GABRB3: variants seen among roughly 807,000 people sequenced by gnomAD.
The protein encoded by GABRB3 is gamma-aminobutyric acid receptor subunit beta-3.
In GABRB3, 14 loss-of-function variants were observed where a neutral mutation model predicts 52.1. The observed-to-expected ratio is 0.27, with a 90% CI of 0.18 to 0.42. The LOEUF (loss-of-function observed/expected upper bound fraction) is 0.42. Ranked by LOEUF, GABRB3 falls within the 10% of genes least tolerant of loss-of-function variation. The pLI, the probability that GABRB3 is intolerant of heterozygous loss-of-function variation, is 1.00. For missense variants in GABRB3, 307 were observed against 609.1 expected (o/e 0.50, Z 5.22); for synonymous variants, 260 against 232.3 (o/e 1.12, Z -1.08).
chr15:26,690,479 A>G (rs1888553949), intron 3 of GABRB3, among the ~76,000 whole-genome samples: 1 of 152,094 alleles, frequency 6.6e-6, no homozygotes, highest in African/African-American at 2.4e-5. Context: ...CGGTTTCTTG[A>G]CTACCAATAA....
At chr15:26,584,310 G>C (rs1236107348) in intron 4 of GABRB3, among the ~76,000 whole-genome samples, 1 of 152,106 alleles carries the variant, frequency 6.6e-6, no homozygotes, top group Non-Finnish European at 1.5e-5. Context: ...CTCTACTACA[G>C]ACAGAGCCTA....
chr15:26,623,204 G>C (rs1428444245), intron 3 of GABRB3, among the ~76,000 whole-genome samples: 1 of 152,210 alleles, frequency 6.6e-6, no homozygotes, highest in African/African-American at 2.4e-5. Flanking sequence ...GTGGAGTGCA[G>C]TTTTGCTGGA....
chr15:26,706,935 G>A (rs545009658), intron 3 of GABRB3, among the ~76,000 whole-genome samples: 2 of 152,292 alleles, frequency 1.3e-5, no homozygotes, highest in African/African-American at 4.8e-5. Flanking sequence ...TAGGAAGGAG[G>A]GTTTGTATTT....
At chr15:26,580,576 T>G (rs765738901) in intron 5 of GABRB3, 120 bp from the exon 6 acceptor site, 16 of 1,265,916 alleles carry the variant, frequency 1.3e-5, no homozygotes, top group Non-Finnish European at 1.8e-5. Context: ...ATTTGCTTAA[T>G]GTGCTTGTCT....
At chr15:26,643,760 A>G (rs1248428824) in intron 3 of GABRB3, among the ~76,000 whole-genome samples, 1 of 151,992 alleles carries the variant, frequency 6.6e-6, no homozygotes. Flanking sequence ...TCATCCAACA[A>G]ACACTACTGG....
Position 26,713,377 on chromosome 15 carries a change from A to C in GABRB3, c.240+59025T>G, listed in dbSNP as rs192712922. Among the ~76,000 whole-genome samples the C allele has an allele frequency of 3.9e-3, 600 of 152,220 alleles. 4 individuals are homozygous for C. The highest frequency in any genetic ancestry group is 7.1e-3 in the Non-Finnish European group (482 of 67,994). ...ATGGTACCAGAGGCAGAGGATGGAC[A>C]GGCAGAGAGTGGACGCACAGGAGAG... On this transcript the variant is annotated intron_variant, in intron 3 of 8. Coordinates refer to ENST00000311550, the MANE Select transcript of GABRB3 (RefSeq NM_000814.6).
intron 3 of GABRB3, among the ~76,000 whole-genome samples, chr15:26,730,380 T>A (rs948785712): frequency 1.5e-5 from 2 of 134,400 alleles, no homozygotes; most frequent in Non-Finnish European, 1.5e-5. Context: ...ATCGCGCCAC[T>A]GCACTCCAGC....
At chr15:26,751,680 G>A (rs1332508302) in intron 3 of GABRB3, among the ~76,000 whole-genome samples, 1 of 151,906 alleles carries the variant, frequency 6.6e-6, no homozygotes, top group Non-Finnish European at 1.5e-5. Flanking sequence ...CCTCATAAGG[G>A]GGTCCTTTAT....
chr15:26,591,403 C>T (rs2140758352), intron 4 of GABRB3, among the ~76,000 whole-genome samples: 1 of 152,314 alleles, frequency 6.6e-6, no homozygotes, highest in Non-Finnish European at 1.5e-5. Context: ...ACATCTGTTT[C>T]TATATTGAAG....
chr15:26,591,545 T>A (rs1347681219), intron 4 of GABRB3, among the ~76,000 whole-genome samples: 1 of 152,164 alleles, frequency 6.6e-6, no homozygotes, highest in African/African-American at 2.4e-5. Flanking sequence ...AGCCGCAAAC[T>A]GGCAATAGTG....
intron 6 of GABRB3, among the ~76,000 whole-genome samples, chr15:26,571,424 C>T (rs1307987512): frequency 1.3e-5 from 2 of 152,194 alleles, no homozygotes; most frequent in Non-Finnish European, 2.9e-5. Context: ...TCATTGCCAA[C>T]TTTTATGTCA....
At chr15:26,598,229 G>A (rs916939990) in intron 4 of GABRB3, among the ~76,000 whole-genome samples, 1 of 151,558 alleles carries the variant, frequency 6.6e-6, no homozygotes, top group Non-Finnish European at 1.5e-5. Flanking sequence ...TCAATAAACT[G>A]GTCGAATAAG....
At chr15:26,584,753 C>T (rs1005697745) in intron 4 of GABRB3, among the ~76,000 whole-genome samples, 3 of 152,272 alleles carry the variant, frequency 2.0e-5, no homozygotes, top group South Asian at 2.1e-4. Context: ...TCTTTGAAAA[C>T]GCAACTATTA....
At chr15:26,679,345 C>T (rs551733253) in intron 3 of GABRB3, among the ~76,000 whole-genome samples, 3 of 152,160 alleles carry the variant, frequency 2.0e-5, no homozygotes, top group Non-Finnish European at 4.4e-5. Context: ...CTAAAATATC[C>T]TCCTTGAACT....
chr15:26,661,488 G>A (rs1950815784), intron 3 of GABRB3, among the ~76,000 whole-genome samples: 1 of 152,058 alleles, frequency 6.6e-6, no homozygotes, highest in African/African-American at 2.4e-5. Flanking sequence ...GTCTACACGA[G>A]GCATCCCTTT....
intron 3 of GABRB3, among the ~76,000 whole-genome samples, chr15:26,709,376 A>G (rs1319832503): frequency 2.0e-5 from 3 of 151,940 alleles, no homozygotes; most frequent in Non-Finnish European, 4.4e-5. Flanking sequence ...CTCTTTCTCC[A>G]TAGGACATGC....
intron 3 of GABRB3, among the ~76,000 whole-genome samples, chr15:26,683,657 C>G (rs1478424358): frequency 6.6e-6 from 1 of 152,182 alleles, no homozygotes; most frequent in Non-Finnish European, 1.5e-5. Flanking sequence ...AATCTCAATA[C>G]AGATCATGAG....
At chr15:26,644,478 A>G (rs1348535782) in intron 3 of GABRB3, among the ~76,000 whole-genome samples, 1 of 152,200 alleles carries the variant, frequency 6.6e-6, no homozygotes, top group East Asian at 1.9e-4. Flanking sequence ...TGATGTTTGT[A>G]CAAGCCAAGC....
intron 3 of GABRB3, among the ~76,000 whole-genome samples, chr15:26,743,942 G>A (rs181695062): frequency 1.5e-4 from 23 of 152,072 alleles, no homozygotes; most frequent in East Asian, 1.2e-3. Flanking sequence ...AACTCTCCCC[G>A]CTAAGTAGGA....
Sources: gnomAD v4.1 joint callset for allele counts (sites outside exome capture counted in the v4.1 genomes callset) on GRCh38, gnomAD v4.1.1 for gene constraint, MANE v1.5 for transcripts, NCBI Gene and HGNC (gene_info 2026-07-23, HGNC 2026-07-21) for gene names.